The following CDKN3 variants were observed in gnomAD, a reference collection of about 807,000 sequenced individuals.
CDKN3 encodes cyclin dependent kinase inhibitor 3.
CDKN3 carries 19 observed loss-of-function variants against 36.1 expected under a neutral mutation model. The ratio of observed to expected loss-of-function variants is 0.53; its 90% CI spans 0.37 to 0.77. The LOEUF is 0.77. Among genes scored for constraint, CDKN3 ranks in the 30% least tolerant of loss-of-function variants. CDKN3 has a pLI of 0.00. For synonymous variants in CDKN3, 71 were observed against 85.3 expected, an observed-to-expected ratio of 0.83 and a Z score of 0.92; for missense variants, 188 against 248.6, an observed-to-expected ratio of 0.76 and a Z score of 1.64.
In CDKN3 at chr14:54,418,332, C is replaced by A; in HGVS notation, c.552+381C>A. On this transcript the variant is annotated intron_variant, in intron 7 of 7. Transcript: ENST00000335183. ...GTACGTTCTTGGGTAGATTCTTGGC[C>A]AAAAAAAATCTATGGAAGATCTTGT... 5.9e-6 allele frequency: 4 copies of A among 678,164 alleles called. No homozygotes were observed. In the Admixed American group the frequency reaches 6.8e-5, roughly 12 times the overall value. The allele number at this position is 678,164 out of a possible 1,614,324, so 42.0% of individuals were successfully genotyped here.
intron 7 of CDKN3, among the ~76,000 whole-genome samples, chr14:54,419,576 G>A (rs1261819841): frequency 2.0e-5 from 3 of 152,052 alleles, no homozygotes; most frequent in Non-Finnish European, 2.9e-5. Context: ...AGAAGACTAG[G>A]GCTTCTATAA....
chr14:54,400,288 G>T (rs537142138), intron 2 of CDKN3, among the ~76,000 whole-genome samples: 5 of 146,460 alleles, frequency 3.4e-5, no homozygotes, highest in African/African-American at 1.3e-4. Context: ...GTAGAAGGAA[G>T]TAAGTAGGAA....
chr14:54,417,985 T>C (rs773124617), intron 7 of CDKN3, 34 bp downstream of exon 7: 3 of 1,224,774 alleles, frequency 2.4e-6, no homozygotes, highest in South Asian at 2.6e-5. Context: ...TTGGTTGTGG[T>C]TGGGGTCGTT....
At chr14:54,397,133 C>A in intron 1 of CDKN3, 56 bp downstream of exon 1, 2 of 1,431,396 alleles carry the variant, frequency 1.4e-6, no homozygotes, top group South Asian at 2.9e-5. Flanking sequence ...GCAAGCGGTC[C>A]CGGGGACCCG....
At chr14:54,401,665 G>C in intron 3 of CDKN3, 86 bp downstream of exon 3, 3 of 981,788 alleles carry the variant, frequency 3.1e-6, no homozygotes, top group South Asian at 3.4e-5. Context: ...GGGGACAGGT[G>C]GTGTTTGGTT....
At chr14:54,411,176 CAAAAAAA>C in intron 4 of CDKN3, 8 of 120,402 alleles carry the variant, frequency 6.6e-5, no homozygotes, top group East Asian at 5.1e-4. Context: ...GACTCCATCT[CAAAAAAA>C]AAAAAAAAAA....
At chr14:54,410,150 T>A (rs80207814) in intron 4 of CDKN3, among the ~76,000 whole-genome samples, 4,738 of 152,278 alleles carry the variant, frequency 0.031, 236 homozygotes, top group African/African-American at 0.11. Context: ...TTTTTCAAAA[T>A]ACTTTTTTTT....
intron 7 of CDKN3, chr14:54,418,377 A>G (rs1199051364): frequency 1.5e-6 from 1 of 664,910 alleles, no homozygotes; most frequent in African/African-American, 1.8e-5. Flanking sequence ...AAAACATTTA[A>G]TAAAGACAGA....
intron 3 of CDKN3, among the ~76,000 whole-genome samples, chr14:54,407,784 C>T (rs1005006688): frequency 1.1e-4 from 17 of 152,188 alleles, no homozygotes; most frequent in African/African-American, 4.1e-4. Context: ...TTGTTGGGCT[C>T]CGTTGGGGGT....
intron 6 of CDKN3, among the ~76,000 whole-genome samples, chr14:54,416,333 C>T (rs966402194): frequency 5.3e-5 from 8 of 151,956 alleles, no homozygotes; most frequent in Admixed American, 1.3e-4. Flanking sequence ...AAAAAGAGTT[C>T]GTGAAATGCC....
intron 3 of CDKN3, among the ~76,000 whole-genome samples, chr14:54,406,860 C>T (rs2030176207): frequency 6.6e-6 from 1 of 152,108 alleles, no homozygotes; most frequent in South Asian, 2.1e-4. Flanking sequence ...CAAACTCATT[C>T]TCTGTCCAGT....
chr14:54,403,493 A>T (rs1296845289), intron 3 of CDKN3, among the ~76,000 whole-genome samples: 2 of 152,206 alleles, frequency 1.3e-5, no homozygotes, highest in African/African-American at 4.8e-5. Context: ...AAAAAGAGAC[A>T]ATTTGACTTC....
chr14:54,410,729 G>A (rs2030319643), intron 4 of CDKN3, among the ~76,000 whole-genome samples: 1 of 152,146 alleles, frequency 6.6e-6, no homozygotes, highest in Non-Finnish European at 1.5e-5. Context: ...AAACAGCTAA[G>A]TGATGAAGTA....
chr14:54,420,162 T>G lies in CDKN3; in HGVS notation c.*84T>G, dbSNP rs561873698. 1 of 737,672 alleles carries G rather than the reference T, an allele frequency of 1.4e-6. No homozygotes were observed. Among genetic ancestry groups the G allele is most frequent in the East Asian group, 2.7e-5 (1 of 36,724 alleles). 45.7% of individuals were successfully genotyped at this position (737,672 alleles called of 1,614,324 possible). A position where few individuals can be genotyped will look rare whatever the true frequency, so the allele number is the denominator to read the frequency against. On this transcript the variant is annotated 3_prime_UTR_variant, in exon 8 of 8. Transcript: ENST00000335183. ...TGTATTGAAATGAAACCACCAGTGT[T>G]ATCAACTTGAATGTAAATGTACATG...
At chr14:54,397,748 T>C (rs1886353928) in intron 1 of CDKN3, among the ~76,000 whole-genome samples, 2 of 152,248 alleles carry the variant, frequency 1.3e-5, no homozygotes, top group Non-Finnish European at 2.9e-5. Flanking sequence ...CTAACCCATA[T>C]TTCCTACTGC....
At chr14:54,412,965 A>G (rs922857974) in intron 5 of CDKN3, 90 of 464,798 alleles carry the variant, frequency 1.9e-4, no homozygotes, top group Non-Finnish European at 2.9e-4. Flanking sequence ...TCATAGGACA[A>G]GCCCAGCCAA....
chr14:54,405,696 A>G (rs1436039142), intron 3 of CDKN3, among the ~76,000 whole-genome samples: 5 of 152,072 alleles, frequency 3.3e-5, no homozygotes, highest in Non-Finnish European at 7.4e-5. Context: ...TGTTTGGTAA[A>G]TATTTCTCCA....
chr14:54,404,986 C>T (rs1465818694), intron 3 of CDKN3, among the ~76,000 whole-genome samples: 1 of 152,212 alleles, frequency 6.6e-6, no homozygotes. Context: ...ATCTTTCCCG[C>T]TTTCTCATGT....
At chr14:54,414,269 C>T (rs886205080) in intron 5 of CDKN3, 1 of 152,518 alleles carries the variant, frequency 6.6e-6, no homozygotes, top group Non-Finnish European at 1.5e-5. Context: ...GTAACACCTA[C>T]CGTGTACCAC....
Sources: gnomAD v4.1 joint callset for allele counts (sites outside exome capture counted in the v4.1 genomes callset) on GRCh38, gnomAD v4.1.1 for gene constraint, MANE v1.5 for transcripts, NCBI Gene and HGNC (gene_info 2026-07-23, HGNC 2026-07-21) for gene names.